Variants in PEAK1 observed in about 807,000 individuals in gnomAD.
PEAK1 encodes inactive tyrosine-protein kinase PEAK1.
In PEAK1, 54 loss-of-function variants were observed where a neutral mutation model predicts 124.7. That is an observed-to-expected ratio of 0.43 (90% CI 0.35 to 0.54). The LOEUF (loss-of-function observed/expected upper bound fraction) is 0.54. PEAK1 is among the 20% of genes least tolerant of loss of function. The probability of loss-of-function intolerance (pLI) is 0.01; values close to 1 mark genes in which losing one functional copy is unlikely to be tolerated. For missense variants in PEAK1, 2,046 were observed against 2,134.5 expected, an observed-to-expected ratio of 0.96 and a Z score of 0.82; for synonymous variants, 719 against 760.0, an observed-to-expected ratio of 0.95 and a Z score of 0.89.
At chr15:77,173,106 C>G (rs1489579719) in intron 7 of PEAK1, among the ~76,000 whole-genome samples, 2 of 151,922 alleles carry the variant, frequency 1.3e-5, no homozygotes, top group Non-Finnish European at 2.9e-5. Flanking sequence ...CAACAACAAA[C>G]TCTCCTAGTA....
intron 6 of PEAK1, among the ~76,000 whole-genome samples, chr15:77,217,583 T>C (rs1428587735): frequency 6.6e-6 from 1 of 152,174 alleles, no homozygotes; most frequent in East Asian, 1.9e-4. Flanking sequence ...ATCTACCTCA[T>C]AGTTCTGGTT....
At chr15:77,201,070 C>T (rs895262959) in intron 6 of PEAK1, among the ~76,000 whole-genome samples, 11 of 151,882 alleles carry the variant, frequency 7.2e-5, no homozygotes, top group Non-Finnish European at 1.3e-4. Flanking sequence ...ATTTACATGT[C>T]ATACACTAAA....
chr15:77,231,442 T>C (rs2059906463), intron 6 of PEAK1, among the ~76,000 whole-genome samples: 2 of 152,222 alleles, frequency 1.3e-5, no homozygotes. Flanking sequence ...TGCAATAGCT[T>C]TGCAAGCAAA....
chr15:77,320,914 GT>G (rs1009895910), intron 2 of PEAK1, among the ~76,000 whole-genome samples: 1 of 151,886 alleles, frequency 6.6e-6, no homozygotes, highest in Non-Finnish European at 1.5e-5. Flanking sequence ...GCGGTGTTTG[GT>G]TTTTTGTCCT....
At chr15:77,317,308 G>T (rs2064940741) in intron 2 of PEAK1, among the ~76,000 whole-genome samples, 1 of 151,796 alleles carries the variant, frequency 6.6e-6, no homozygotes, top group South Asian at 2.1e-4. Context: ...GAAAAACAAA[G>T]ATAAAATATG....
chr15:77,350,373 C>G (rs1354980857), intron 2 of PEAK1: 2 of 985,238 alleles, frequency 2.0e-6, no homozygotes, highest in Admixed American at 6.2e-5. Flanking sequence ...GCTCAGTTCA[C>G]AAGACTTCAT....
At chr15:77,410,369 C>T (rs920910802) in intron 1 of PEAK1, among the ~76,000 whole-genome samples, 4 of 152,172 alleles carry the variant, frequency 2.6e-5, no homozygotes, top group African/African-American at 4.8e-5. Context: ...AGGTGATCTG[C>T]CTGCCTTGGC....
intron 2 of PEAK1, among the ~76,000 whole-genome samples, chr15:77,325,407 C>A (rs1183699981): frequency 6.9e-6 from 1 of 144,176 alleles, no homozygotes; most frequent in Non-Finnish European, 1.5e-5. Context: ...GATCCCATCT[C>A]AATAAATAAA....
intron 9 of PEAK1, among the ~76,000 whole-genome samples, chr15:77,131,349 T>G (rs1159299943): frequency 6.6e-6 from 1 of 152,062 alleles, no homozygotes; most frequent in Non-Finnish European, 1.5e-5. Context: ...AAAAATTAGC[T>G]GGGCATGGTG....
intron 5 of PEAK1, among the ~76,000 whole-genome samples, chr15:77,264,042 C>A (rs1217572241): frequency 6.6e-6 from 1 of 152,130 alleles, no homozygotes; most frequent in African/African-American, 2.4e-5. Context: ...AGGCCTTTGA[C>A]AAAATTCAAC....
At chr15:77,234,878 C>T (rs926195597) in intron 6 of PEAK1, among the ~76,000 whole-genome samples, 10 of 152,156 alleles carry the variant, frequency 6.6e-5, no homozygotes, top group South Asian at 2.1e-4. Context: ...TTCTTAGCCT[C>T]GAGAGATCCA....
intron 5 of PEAK1, among the ~76,000 whole-genome samples, chr15:77,264,678 C>T (rs1459266976): frequency 3.9e-5 from 6 of 152,190 alleles, no homozygotes; most frequent in South Asian, 2.1e-4. Flanking sequence ...GGCCATACTG[C>T]CCAAGGTAAT....
intron 6 of PEAK1, among the ~76,000 whole-genome samples, chr15:77,247,485 C>CTTTTTTTTTTTTTTTTT (rs398028029): frequency 8.3e-4 from 70 of 84,298 alleles, no homozygotes; most frequent in African/African-American, 1.4e-3. Context: ...CTTTTCTTTT[C>CTTTTTTTTTTTTTTTTT]TTTTTTTTTT....
At chr15:77,343,372 G>C (rs2066661206) in intron 2 of PEAK1, among the ~76,000 whole-genome samples, 1 of 151,788 alleles carries the variant, frequency 6.6e-6, no homozygotes. Flanking sequence ...TCCCTTATCA[G>C]ATATGTGATT....
chr15:77,115,323 A>T lies in PEAK1; in HGVS notation c.4078-4T>A, dbSNP rs764399172. ...CTTTAGCTTTGCTCTTACAGATCTG[A>T]AAGATAATAAAACAATTCAAAACTC... On this transcript the variant is annotated splice_polypyrimidine_tract_variant and splice_region_variant and intron_variant, in intron 9 of 9. Transcript: ENST00000682557. The T allele has an allele frequency of 6.5e-5, 105 of 1,607,594 alleles. No homozygotes were observed. The highest frequency in any genetic ancestry group is 8.4e-5 in the Non-Finnish European group (99 of 1,175,236).
At chr15:77,202,132 A>T (rs2152846970) in intron 6 of PEAK1, among the ~76,000 whole-genome samples, 1 of 152,282 alleles carries the variant, frequency 6.6e-6, no homozygotes, top group East Asian at 1.9e-4. Context: ...TTTTGGATGC[A>T]GTTTCACATT....
chr15:77,102,947 A>T (rs977265932), exon 7 of PEAK1: 7 of 152,170 alleles, frequency 4.6e-5, no homozygotes, highest in Non-Finnish European at 8.8e-5. Flanking sequence ...AGACAACCTG[A>T]TAGTTCATCT....
intron 2 of PEAK1, among the ~76,000 whole-genome samples, chr15:77,362,160 A>C (rs2067932470): frequency 6.6e-6 from 1 of 152,202 alleles, no homozygotes. Flanking sequence ...GCTAGGAAGA[A>C]AATCTAAAGT....
At chr15:77,221,250 G>A (rs1216536134) in intron 6 of PEAK1, among the ~76,000 whole-genome samples, 1 of 152,060 alleles carries the variant, frequency 6.6e-6, no homozygotes. Flanking sequence ...AGTCACTTGG[G>A]AGGGATTATA....
Sources: allele counts gnomAD v4.1 joint callset (sites outside exome capture counted in the v4.1 genomes callset), GRCh38; gene constraint gnomAD v4.1.1; transcripts MANE v1.5; gene names NCBI Gene and HGNC (gene_info 2026-07-23, HGNC 2026-07-21).